The following CNTNAP2 variants were observed in gnomAD, a reference collection of about 807,000 sequenced individuals.
CNTNAP2 encodes contactin-associated protein-like 2.
In CNTNAP2, 98 loss-of-function variants were observed where a neutral mutation model predicts 155.2. The ratio of observed to expected loss-of-function variants is 0.63; its 90% CI spans 0.54 to 0.75. The LOEUF is 0.75. CNTNAP2 is among the 30% of genes least tolerant of loss of function. CNTNAP2 has a pLI of 0.00. For synonymous variants in CNTNAP2, 651 were observed against 631.2 expected (o/e 1.03, Z -0.47); for missense variants, 1,727 against 1,688.1 (o/e 1.02, Z -0.40).
chr7:146,490,635 A>T (rs1797124587), intron 1 of CNTNAP2, among the ~76,000 whole-genome samples: 3 of 152,232 alleles, frequency 2.0e-5, no homozygotes, highest in Admixed American at 2.0e-4. Flanking sequence ...ATGGGAAAAT[A>T]CTAAGATAAA....
At chr7:147,838,530 C>T (rs1285566458) in intron 13 of CNTNAP2, among the ~76,000 whole-genome samples, 1 of 152,138 alleles carries the variant, frequency 6.6e-6, no homozygotes, top group Non-Finnish European at 1.5e-5. Flanking sequence ...GATATTTTTT[C>T]TACCAGATAC....
chr7:147,118,624 C>A (rs1255655122), intron 5 of CNTNAP2, among the ~76,000 whole-genome samples: 1 of 151,714 alleles, frequency 6.6e-6, no homozygotes, highest in Non-Finnish European at 1.5e-5. Flanking sequence ...AATTGTATAG[C>A]CTATTACACA....
At chr7:147,233,234 A>G (rs961733569) in intron 8 of CNTNAP2, among the ~76,000 whole-genome samples, 2 of 152,156 alleles carry the variant, frequency 1.3e-5, no homozygotes, top group Non-Finnish European at 2.9e-5. Flanking sequence ...GGGTTAACAA[A>G]CGTTCCCTAT....
chr7:146,821,625 G>GA (rs1192918813), intron 2 of CNTNAP2, among the ~76,000 whole-genome samples: 2 of 151,780 alleles, frequency 1.3e-5, no homozygotes, highest in South Asian at 4.2e-4. Context: ...AAATTTACAA[G>GA]AAAAAAACAA....
At chr7:147,019,032 C>T (rs1024880003) in intron 3 of CNTNAP2, among the ~76,000 whole-genome samples, 3 of 151,914 alleles carry the variant, frequency 2.0e-5, no homozygotes, top group Non-Finnish European at 2.9e-5. Flanking sequence ...TGTAAGAATG[C>T]GTGATAAGAA....
intron 8 of CNTNAP2, among the ~76,000 whole-genome samples, chr7:147,279,762 A>T (rs2116722988): frequency 6.6e-6 from 1 of 151,998 alleles, no homozygotes; most frequent in African/African-American, 2.4e-5. Flanking sequence ...CATTGACTTG[A>T]ACCAATGTAA....
At chr7:148,252,188 C>A (rs577212540) in intron 20 of CNTNAP2, among the ~76,000 whole-genome samples, 82 of 152,318 alleles carry the variant, frequency 5.4e-4, no homozygotes, top group Middle Eastern at 3.4e-3. Context: ...TGTCTTTGAA[C>A]TGTTTCTTCA....
chr7:147,924,916 G>A (rs551770138), intron 14 of CNTNAP2, among the ~76,000 whole-genome samples: 2 of 152,020 alleles, frequency 1.3e-5, no homozygotes, highest in South Asian at 2.1e-4. Flanking sequence ...AGGAGATCAA[G>A]ACCATCCTGG....
chr7:146,915,010 G>A (rs1267603393), intron 3 of CNTNAP2, among the ~76,000 whole-genome samples: 1 of 151,996 alleles, frequency 6.6e-6, no homozygotes, highest in Non-Finnish European at 1.5e-5. Context: ...TGAGAGATGA[G>A]GATCCAGTTT....
intron 1 of CNTNAP2, among the ~76,000 whole-genome samples, chr7:146,516,973 C>T (rs1420916805): frequency 2.6e-5 from 4 of 151,998 alleles, no homozygotes; most frequent in Admixed American, 6.6e-5. Context: ...CGGTTTCATT[C>T]TCAGAGTTTT....
At chr7:146,592,955 T>A (rs1378134212) in intron 1 of CNTNAP2, among the ~76,000 whole-genome samples, 1 of 151,932 alleles carries the variant, frequency 6.6e-6, no homozygotes, top group Non-Finnish European at 1.5e-5. Context: ...ACAATTCATT[T>A]CTTAAGTTGT....
chr7:146,670,989 A>C (rs1800293944), intron 1 of CNTNAP2, among the ~76,000 whole-genome samples: 1 of 152,204 alleles, frequency 6.6e-6, no homozygotes, highest in African/African-American at 2.4e-5. Flanking sequence ...GGTAATTCTT[A>C]GGACCTAGCA....
intron 14 of CNTNAP2, among the ~76,000 whole-genome samples, chr7:147,925,307 CA>C (rs1800377058): frequency 1.3e-5 from 2 of 151,484 alleles, no homozygotes; most frequent in South Asian, 2.1e-4. Context: ...CACACACACA[CA>C]CACACACACA....
At chr7:146,299,101 A>T (rs973468814) in intron 1 of CNTNAP2, among the ~76,000 whole-genome samples, 7 of 151,772 alleles carry the variant, frequency 4.6e-5, no homozygotes, top group African/African-American at 1.7e-4. Flanking sequence ...GTGAAACCCC[A>T]TCTCTACTAA....
intron 13 of CNTNAP2, among the ~76,000 whole-genome samples, chr7:147,747,653 G>T (rs910334458): frequency 2.0e-5 from 3 of 152,238 alleles, no homozygotes; most frequent in Admixed American, 1.3e-4. Context: ...TCTAGTTTTA[G>T]TTTTTTGAGA....
chr7:147,064,101 G>A (rs1799735023), intron 4 of CNTNAP2, among the ~76,000 whole-genome samples: 1 of 144,392 alleles, frequency 6.9e-6, no homozygotes, highest in Non-Finnish European at 1.6e-5. Context: ...TTTAAGTATA[G>A]CACTTCATAA....
chr7:148,037,467 G>A (rs1802592115), intron 15 of CNTNAP2, among the ~76,000 whole-genome samples: 1 of 152,124 alleles, frequency 6.6e-6, no homozygotes. Flanking sequence ...TTACATCTAG[G>A]TCAATAATAA....
At chr7:147,971,440 A>G (rs1360360375) in intron 14 of CNTNAP2, among the ~76,000 whole-genome samples, 1 of 152,044 alleles carries the variant, frequency 6.6e-6, no homozygotes. Flanking sequence ...TTATCCCTAT[A>G]CGATTCCCGG....
At chr7:146,623,334 A>G (rs1799365001) in intron 1 of CNTNAP2, among the ~76,000 whole-genome samples, 1 of 152,106 alleles carries the variant, frequency 6.6e-6, no homozygotes, top group Admixed American at 6.6e-5. Flanking sequence ...GTATAGTTCT[A>G]TGGGTTTTGA....
Sources: allele counts gnomAD v4.1 joint callset (sites outside exome capture counted in the v4.1 genomes callset), GRCh38; gene constraint gnomAD v4.1.1; transcripts MANE v1.5; gene names NCBI Gene and HGNC (gene_info 2026-07-23, HGNC 2026-07-21).